DPY19L4: variants seen among roughly 807,000 people sequenced by gnomAD.
DPY19L4 encodes probable C-mannosyltransferase DPY19L4.
DPY19L4 carries 97 observed loss-of-function variants against 102.8 expected under a neutral mutation model. The ratio of observed to expected loss-of-function variants is 0.94; its 90% CI spans 0.80 to 1.12. DPY19L4 has a LOEUF of 1.12. Among genes scored for constraint, DPY19L4 ranks in the 50% most tolerant of loss-of-function variants. The probability of loss-of-function intolerance (pLI) is 0.00; values close to 1 mark genes in which losing one functional copy is unlikely to be tolerated. For synonymous variants in DPY19L4, 252 were observed against 283.1 expected (o/e 0.89, Z 1.10); for missense variants, 815 against 850.4 (o/e 0.96, Z 0.52).
In DPY19L4 at chr8:94,758,521, C is replaced by T. The variant is rs1812262422; in HGVS notation, c.735+2362C>T. Among the ~76,000 whole-genome samples, 3 of 152,148 alleles carry T rather than the reference C, an allele frequency of 2.0e-5. No homozygotes were observed. In the South Asian group the frequency reaches 6.2e-4, roughly 31 times the overall value. ...TCCTGTGTACCTTAATAATCACATC[C>T]TTCCTGTAACCCAAACCTCTGGCAA... On this transcript the variant is annotated intron_variant, in intron 7 of 18. Coordinates refer to ENST00000414645, the MANE Select transcript of DPY19L4 (RefSeq NM_181787.3).
intron 3 of DPY19L4, among the ~76,000 whole-genome samples, chr8:94,735,853 G>A (rs180850690): frequency 1.3e-5 from 2 of 152,290 alleles, no homozygotes. Context: ...GAGAAGCACT[G>A]ATTGAGAGTT....
intron 13 of DPY19L4, among the ~76,000 whole-genome samples, chr8:94,771,558 A>G (rs1024155958): frequency 6.6e-6 from 1 of 152,226 alleles, no homozygotes. Context: ...ACATGGTGCT[A>G]TAAGAACATA....
chr8:94,767,568 AG>A (rs1292176118), intron 11 of DPY19L4, among the ~76,000 whole-genome samples: 2 of 152,196 alleles, frequency 1.3e-5, no homozygotes, highest in Non-Finnish European at 1.5e-5. Context: ...CTGGGATTAC[AG>A]GCGTGAGCCA....
In DPY19L4 at chr8:94,772,034, G is replaced by A. The variant is rs149924837; in HGVS notation, c.1454+1463G>A. On this transcript the variant is annotated intron_variant, in intron 13 of 18. Transcript: ENST00000414645. ...ATAAGTTATGTAATAATTTTTTAGG[G>A]AGTTTGAATCCTTGAAACATATCTT... 5.0e-3 allele frequency among the ~76,000 whole-genome samples: 761 copies of A among 151,564 alleles called. 13 individuals are homozygous for A. The highest frequency in any genetic ancestry group is 0.04 in the East Asian group (206 of 5,186).
At chr8:94,753,570 G>A (rs890903263) in intron 6 of DPY19L4, among the ~76,000 whole-genome samples, 7 of 152,158 alleles carry the variant, frequency 4.6e-5, no homozygotes, top group Non-Finnish European at 1.0e-4. Context: ...CTCACAGAGA[G>A]GGCTGCAGAT....
intron 16 of DPY19L4, among the ~76,000 whole-genome samples, chr8:94,783,311 A>G (rs999115025): frequency 1.3e-5 from 2 of 152,200 alleles, no homozygotes; most frequent in Non-Finnish European, 2.9e-5. Context: ...TTGAGAATTC[A>G]CAGTATCATC....
chr8:94,751,710 G>A (rs866619538), intron 6 of DPY19L4, among the ~76,000 whole-genome samples: 1 of 151,386 alleles, frequency 6.6e-6, no homozygotes, highest in South Asian at 2.1e-4. Context: ...GGCTGATCTC[G>A]AACTCCTGGG....
chr8:94,758,111 C>CA (rs899855127), intron 7 of DPY19L4, among the ~76,000 whole-genome samples: 16 of 149,352 alleles, frequency 1.1e-4, no homozygotes, highest in East Asian at 2.0e-4. Context: ...ACTCCATCTC[C>CA]AAAAAAAAAT....
At chr8:94,747,523 T>C (rs374065995) in intron 6 of DPY19L4, among the ~76,000 whole-genome samples, 20 of 151,574 alleles carry the variant, frequency 1.3e-4, no homozygotes, top group African/African-American at 4.6e-4. Context: ...GGGTCATCCA[T>C]GTGATGTATA....
At chr8:94,771,260 C>T (rs995401864) in intron 13 of DPY19L4, among the ~76,000 whole-genome samples, 1 of 152,162 alleles carries the variant, frequency 6.6e-6, no homozygotes, top group African/African-American at 2.4e-5. Flanking sequence ...TCCAAGAATG[C>T]ATTCATAAAA....
intron 2 of DPY19L4, among the ~76,000 whole-genome samples, chr8:94,729,956 G>A (rs1411659999): frequency 2.6e-5 from 4 of 151,844 alleles, no homozygotes; most frequent in African/African-American, 9.7e-5. Flanking sequence ...ATATTTTCAG[G>A]GTAGAAAATG....
intron 7 of DPY19L4, 32 bp downstream of exon 7, chr8:94,756,191 C>A: frequency 6.3e-7 from 1 of 1,599,908 alleles, no homozygotes; most frequent in South Asian, 1.1e-5. Flanking sequence ...TCTGTTGCAG[C>A]TAATTCTGAT....
At chr8:94,720,322 TTGG>T (rs1037817979) in intron 1 of DPY19L4, 103 of 942,784 alleles carry the variant, frequency 1.1e-4, no homozygotes, top group Non-Finnish European at 1.3e-4. Context: ...GATCAGATTC[TTGG>T]TGAAGTGGGA....
At chr8:94,781,272 T>C in intron 16 of DPY19L4, 106 bp downstream of exon 16, 2 of 1,042,498 alleles carry the variant, frequency 1.9e-6, no homozygotes, top group Non-Finnish European at 2.6e-6. Flanking sequence ...CCAAATTTTT[T>C]CATAAAACTC....
chr8:94,759,669 G>A lies in DPY19L4; in HGVS notation c.736-2031G>A, dbSNP rs1812320493. Among the ~76,000 whole-genome samples the A allele has an allele frequency of 2.0e-5, 3 of 151,990 alleles. No individual in the cohort carries two copies. The South Asian group carries it at 6.2e-4, about 31-fold the overall frequency. On this transcript the variant is annotated intron_variant, in intron 7 of 18. Coordinates refer to ENST00000414645, the MANE Select transcript of DPY19L4 (RefSeq NM_181787.3). ...TTACTGGCCTGTGCCACCAAGCCCA[G>A]CTAATTTTGTATTTTTAGTAGAGAC...
In DPY19L4 at chr8:94,754,827, C is replaced by T. The variant is rs150859214; in HGVS notation, c.612-1209C>T. Among the ~76,000 whole-genome samples the T allele has an allele frequency of 5.5e-4, 84 of 152,286 alleles. 1 individual carries two copies. The East Asian group carries it at 0.013, about 24-fold the overall frequency. On this transcript the variant is annotated intron_variant, in intron 6 of 18. Transcript: ENST00000414645. ...TTTTTGAAATAGAGTCTTGCTGTGT[C>T]ACCCAGCCTGGAGTGCAGTGGTGCG...
intron 13 of DPY19L4, among the ~76,000 whole-genome samples, chr8:94,773,739 T>A (rs543563755): frequency 2.2e-3 from 340 of 151,960 alleles, no homozygotes; most frequent in Non-Finnish European, 3.2e-3. Flanking sequence ...CTTGTTTTTG[T>A]GTTTTTGAGA....
chr8:94,773,440 T>G (rs541310173), intron 13 of DPY19L4, among the ~76,000 whole-genome samples: 15 of 152,264 alleles, frequency 9.9e-5, no homozygotes, highest in African/African-American at 2.4e-4. Context: ...TTTTGGTTTT[T>G]GTTTTTGTTT....
Position 94,765,135 on chromosome 8 carries a change from A to G in DPY19L4, c.871-48A>G, listed in dbSNP as rs572654372. 40 of 1,255,016 alleles carry G rather than the reference A, an allele frequency of 3.2e-5. No individual in the cohort carries two copies. In the South Asian group the frequency reaches 5.5e-4, roughly 17 times the overall value. 77.7% of individuals were successfully genotyped at this position (1,255,016 alleles called of 1,614,324 possible). On this transcript the variant is annotated intron_variant, in intron 8 of 18. Coordinates refer to ENST00000414645, the MANE Select transcript of DPY19L4 (RefSeq NM_181787.3). ...CTATATAAAACAAATGAAAATATGTATGATAAAATATAACTTATTCTCACT... is the reference window on the plus strand; with the variant it reads ...CTATATAAAACAAATGAAAATATGTGTGATAAAATATAACTTATTCTCACT...
Sources: gnomAD v4.1 joint callset for allele counts (sites outside exome capture counted in the v4.1 genomes callset) on GRCh38, gnomAD v4.1.1 for gene constraint, MANE v1.5 for transcripts, NCBI Gene and HGNC (gene_info 2026-07-23, HGNC 2026-07-21) for gene names.